The following BPNT1 variants were observed in gnomAD, a reference collection of about 807,000 sequenced individuals.
The protein encoded by BPNT1 is 3'(2'),5'-bisphosphate nucleotidase 1.
BPNT1 carries 28 observed loss-of-function variants against 36.9 expected under a neutral mutation model. That is an observed-to-expected ratio of 0.76 (90% CI 0.56 to 1.04). The LOEUF (loss-of-function observed/expected upper bound fraction) is 1.04. BPNT1 is among the 50% of genes least tolerant of loss of function. BPNT1 has a pLI of 0.00. For synonymous variants in BPNT1, 119 were observed against 130.9 expected (o/e 0.91, Z 0.62); for missense variants, 313 against 372.9 (o/e 0.84, Z 1.32).
At position 220,074,020 on chromosome 1, in the gene BPNT1, T is replaced by C. The variant is rs773245779; in HGVS notation, c.172A>G (p.Ile58Val). The part of the protein sequence containing the change: ...TKADRLAQMS[I>V]CSSLARKFPK... Reference sequence around the variant, plus strand: ...AATTTCCGGGCCAATGAAGAACATATGCTCATCTGTGCCAATCGGTCAGCT... The same window carrying C: ...AATTTCCGGGCCAATGAAGAACATACGCTCATCTGTGCCAATCGGTCAGCT... Residue 58 changes from isoleucine to valine, a missense_variant, in exon 3 of 9, where the codon ATA becomes GTA. Physicochemically the swap from Ile to Val is conservative, Grantham distance 29. Coordinates refer to ENST00000322067, the MANE Select transcript of BPNT1 (RefSeq NM_006085.6). 6.2e-7 allele frequency: 1 copy of C among 1,614,074 alleles called. No homozygotes were observed. Among genetic ancestry groups the C allele is most frequent in the Non-Finnish European group, 8.5e-7 (1 of 1,180,032 alleles).
chr1:220,077,583 G>A (rs930702328), intron 2 of BPNT1, among the ~76,000 whole-genome samples: 12 of 151,918 alleles, frequency 7.9e-5, no homozygotes, highest in African/African-American at 2.2e-4. Context: ...ATGTTGCCCA[G>A]GCTGATTTTT....
intron 3 of BPNT1, 109 bp from the exon 4 acceptor site, chr1:220,073,066 T>C: frequency 1.1e-6 from 1 of 939,432 alleles, no homozygotes; most frequent in Non-Finnish European, 1.7e-6. Context: ...CTAGTTCTTC[T>C]GGTTTACCAT....
At chr1:220,087,028 C>T (rs995894901) in intron 1 of BPNT1, among the ~76,000 whole-genome samples, 26 of 122,746 alleles carry the variant, frequency 2.1e-4, no homozygotes, top group Non-Finnish European at 3.6e-4. Context: ...GCCTGGGCGA[C>T]AGAGCAAGAC....
At chr1:220,085,847 A>C (rs964413207) in intron 1 of BPNT1, among the ~76,000 whole-genome samples, 1 of 152,262 alleles carries the variant, frequency 6.6e-6, no homozygotes, top group Non-Finnish European at 1.5e-5. Flanking sequence ...ACAACTGCCA[A>C]AGGGCTAGTT....
At chr1:220,070,262 C>T (rs1051086430) in intron 4 of BPNT1, among the ~76,000 whole-genome samples, 1 of 152,122 alleles carries the variant, frequency 6.6e-6, no homozygotes, top group African/African-American at 2.4e-5. Flanking sequence ...GGATATGCTG[C>T]CTTTAACCAC....
chr1:220,076,646 T>G (rs1571780416), intron 2 of BPNT1, among the ~76,000 whole-genome samples: 1 of 149,992 alleles, frequency 6.7e-6, no homozygotes, highest in East Asian at 2.0e-4. Context: ...GATAACGCCA[T>G]TGCACTCCAG....
At position 220,058,303 on chromosome 1, in the gene BPNT1, T is replaced by C. The variant is rs1180954798; in HGVS notation, c.*541A>G. The C allele has an allele frequency of 1.0e-6, 1 of 988,670 alleles. No homozygotes were observed. The highest frequency in any genetic ancestry group is 1.2e-6 in the Non-Finnish European group (1 of 831,532). The allele number at this position is 988,670 out of a possible 1,614,324, so 61.2% of individuals were successfully genotyped here. A position where few individuals can be genotyped will look rare whatever the true frequency, so the allele number is the denominator to read the frequency against. The stretch of plus-strand genomic sequence containing the variant: ...AATACAGGAAAACAAATATAACATA[T>C]TGAGTTTATAAGTTCTCCAGACGTC... On this transcript the variant is annotated 3_prime_UTR_variant, in exon 9 of 9. Transcript: ENST00000322067.
In BPNT1 at chr1:220,072,801, G is replaced by A. The variant is rs748763741; in HGVS notation, c.333+49C>T. 4 of 1,459,004 alleles carry A rather than the reference G, an allele frequency of 2.7e-6. No homozygotes were observed. In the East Asian group the frequency reaches 6.8e-5, roughly 25 times the overall value. 90.4% of individuals were successfully genotyped at this position (1,459,004 alleles called of 1,614,324 possible). Reference sequence around the variant, plus strand: ...ATGCAAATATTATTTCCTTTACTATGGCAAAAAGCCCAGGTTAATAGAGAG... The same window carrying A: ...ATGCAAATATTATTTCCTTTACTATAGCAAAAAGCCCAGGTTAATAGAGAG... On this transcript the variant is annotated intron_variant, in intron 4 of 8. Transcript: ENST00000322067.
intron 2 of BPNT1, among the ~76,000 whole-genome samples, chr1:220,076,134 C>T (rs928968072): frequency 2.6e-5 from 4 of 151,634 alleles, no homozygotes; most frequent in Admixed American, 6.6e-5. Flanking sequence ...TTTGGGAGGC[C>T]GAGGCAGGTA....
intron 6 of BPNT1, among the ~76,000 whole-genome samples, chr1:220,066,357 C>T (rs980973579): frequency 6.6e-6 from 1 of 152,132 alleles, no homozygotes; most frequent in Non-Finnish European, 1.5e-5. Context: ...TAGACACAAG[C>T]AATTTAACCC....
intron 8 of BPNT1, 63 bp downstream of exon 8, chr1:220,059,623 T>C: frequency 8.2e-7 from 1 of 1,216,480 alleles, no homozygotes; most frequent in Non-Finnish European, 1.2e-6. Flanking sequence ...TACTGAGATA[T>C]TATGTCTTAG....
At chr1:220,085,584 T>C (rs956754230) in intron 1 of BPNT1, among the ~76,000 whole-genome samples, 7 of 152,220 alleles carry the variant, frequency 4.6e-5, no homozygotes, top group African/African-American at 1.7e-4. Context: ...GGCTAACCAT[T>C]ATTATGATTG....
intron 4 of BPNT1, 139 bp from the exon 5 acceptor site, chr1:220,069,571 T>TGA: frequency 1.7e-6 from 1 of 576,840 alleles, no homozygotes; most frequent in Non-Finnish European, 3.0e-6. Flanking sequence ...TCATCTGTTT[T>TGA]GAGATAGTAC....
intron 2 of BPNT1, among the ~76,000 whole-genome samples, chr1:220,076,797 A>G (rs1272309921): frequency 6.6e-6 from 1 of 151,928 alleles, no homozygotes; most frequent in African/African-American, 2.4e-5. Flanking sequence ...TCTGTAGTCA[A>G]CTAAAATCTC....
intron 5 of BPNT1, 48 bp from the exon 6 acceptor site, chr1:220,067,441 A>C (rs1663638302): frequency 7.9e-7 from 1 of 1,262,828 alleles, no homozygotes; most frequent in Non-Finnish European, 1.1e-6. Flanking sequence ...TCATATTATG[A>C]CTCATCATTA....
At chr1:220,059,654 A>C (rs750058247) in intron 8 of BPNT1, 32 bp downstream of exon 8, 1 of 1,452,522 alleles carries the variant, frequency 6.9e-7, no homozygotes, top group Non-Finnish European at 9.5e-7. Flanking sequence ...TTGTAGAAAA[A>C]CTATGAATTT....
chr1:220,083,995 A>G (rs1475063967), intron 1 of BPNT1, among the ~76,000 whole-genome samples: 1 of 152,134 alleles, frequency 6.6e-6, no homozygotes, highest in Admixed American at 6.6e-5. Context: ...TGTGGAATAA[A>G]CCAGTTACAA....
intron 2 of BPNT1, among the ~76,000 whole-genome samples, chr1:220,078,203 A>AT (rs1172357987): frequency 1.3e-5 from 2 of 148,776 alleles, no homozygotes; most frequent in Admixed American, 6.8e-5. Flanking sequence ...AAAAAAAAAA[A>AT]AAAGATTATA....
rs1013800679 is a variant in BPNT1 at position 220,059,718 on chromosome 1, C to A, written c.746G>T (p.Cys249Phe). 3.1e-6 allele frequency: 5 copies of A among 1,610,780 alleles called. No individual in the cohort carries two copies. In the South Asian group the frequency reaches 4.4e-5, roughly 14 times the overall value. The part of the protein sequence containing the change: ...ASPGCKKWDT[C>F]APEVILHAVG... ...AGCATGTAAAATAACTTCTGGAGCA[C>A]AAGTATCCCACTTCTTACAACCAGG... The change falls in exon 8 of 9, where the codon TGT becomes TTT. Residue 249 changes from cysteine (C) to phenylalanine (F), a missense_variant. Cys to Phe is a radical substitution (Grantham distance 205). Transcript: ENST00000322067.
Sources: gnomAD v4.1 joint callset for allele counts (sites outside exome capture counted in the v4.1 genomes callset) on GRCh38, gnomAD v4.1.1 for gene constraint, MANE v1.5 for transcripts, NCBI Gene and HGNC (gene_info 2026-07-23, HGNC 2026-07-21) for gene names.